The following NRG3 variants were observed in gnomAD, a reference collection of about 807,000 sequenced individuals.
NRG3 encodes the protein neuregulin 3, also known as pro-neuregulin-3, membrane-bound isoform.
In NRG3, 31 loss-of-function variants were observed where a neutral mutation model predicts 66.9. That is an observed-to-expected ratio of 0.46 (90% CI 0.35 to 0.63). NRG3 has a LOEUF of 0.63. Among genes scored for constraint, NRG3 ranks in the 20% least tolerant of loss-of-function variants. NRG3 has a pLI of 0.00. For missense variants in NRG3, 910 were observed against 878.9 expected, an observed-to-expected ratio of 1.04 and a Z score of -0.45; for synonymous variants, 393 against 359.4, an observed-to-expected ratio of 1.09 and a Z score of -1.06.
intron 2 of NRG3, among the ~76,000 whole-genome samples, chr10:82,451,111 C>T (rs2091000378): frequency 6.6e-6 from 1 of 152,126 alleles, no homozygotes; most frequent in Admixed American, 6.5e-5. Flanking sequence ...AGATGGTGGT[C>T]TAGGTGCTGT....
At chr10:82,277,396 A>G (rs1820506652) in intron 1 of NRG3, among the ~76,000 whole-genome samples, 1 of 152,136 alleles carries the variant, frequency 6.6e-6, no homozygotes, top group South Asian at 2.1e-4. Flanking sequence ...AATAAAGACT[A>G]TAAGGTTGTT....
intron 1 of NRG3, among the ~76,000 whole-genome samples, chr10:82,186,914 A>C (rs982084912): frequency 6.6e-6 from 1 of 152,118 alleles, no homozygotes; most frequent in African/African-American, 2.4e-5. Context: ...ACTTAGGAGC[A>C]TATGCAGGGA....
At chr10:82,460,291 G>T (rs758326213) in intron 2 of NRG3, among the ~76,000 whole-genome samples, 1 of 152,106 alleles carries the variant, frequency 6.6e-6, no homozygotes, top group African/African-American at 2.4e-5. Context: ...TCCTGGCTTC[G>T]TTATTTGCTT....
chr10:82,335,097 T>C (rs2082322255), intron 1 of NRG3, among the ~76,000 whole-genome samples: 1 of 152,230 alleles, frequency 6.6e-6, no homozygotes, highest in Non-Finnish European at 1.5e-5. Context: ...CACATGGCCG[T>C]GCATTTGCTT....
At chr10:82,196,848 A>C (rs1280059619) in intron 1 of NRG3, among the ~76,000 whole-genome samples, 1 of 152,126 alleles carries the variant, frequency 6.6e-6, no homozygotes, top group Non-Finnish European at 1.5e-5. Flanking sequence ...CTCAGATCTT[A>C]AGACAATCCC....
intron 2 of NRG3, among the ~76,000 whole-genome samples, chr10:82,403,147 C>T (rs1010133371): frequency 6.6e-6 from 1 of 152,090 alleles, no homozygotes; most frequent in Admixed American, 6.6e-5. Flanking sequence ...GTAATTATTT[C>T]CAGAGGAGCT....
chr10:82,965,644 G>A (rs1217927555), intron 6 of NRG3, among the ~76,000 whole-genome samples: 1 of 152,106 alleles, frequency 6.6e-6, no homozygotes, highest in Non-Finnish European at 1.5e-5. Context: ...GCTGACACAT[G>A]AGAATTGCTT....
At chr10:82,924,217 A>C (rs953452903) in intron 4 of NRG3, among the ~76,000 whole-genome samples, 1 of 152,066 alleles carries the variant, frequency 6.6e-6, no homozygotes, top group Non-Finnish European at 1.5e-5. Context: ...GGTTTCCAGA[A>C]CCCAAAAGGA....
intron 1 of NRG3, among the ~76,000 whole-genome samples, chr10:81,911,903 A>C (rs1845206308): frequency 6.6e-6 from 1 of 152,102 alleles, no homozygotes; most frequent in Admixed American, 6.6e-5. Context: ...TCTTACAAAA[A>C]ATATTGTTAT....
chr10:82,488,200 T>A (rs1842837661), intron 2 of NRG3, among the ~76,000 whole-genome samples: 1 of 152,338 alleles, frequency 6.6e-6, no homozygotes, highest in African/African-American at 2.4e-5. Flanking sequence ...CAAGTCATCC[T>A]TGGAAAGAAC....
At chr10:82,289,684 A>G (rs2079613371) in intron 1 of NRG3, among the ~76,000 whole-genome samples, 1 of 152,096 alleles carries the variant, frequency 6.6e-6, no homozygotes, top group African/African-American at 2.4e-5. Flanking sequence ...TTATAGACAT[A>G]TTTTCATCTT....
chr10:82,271,873 A>G (rs762676120), intron 1 of NRG3, among the ~76,000 whole-genome samples: 5 of 152,124 alleles, frequency 3.3e-5, no homozygotes, highest in Admixed American at 6.6e-5. Flanking sequence ...GTTATTAAAT[A>G]CCTTGAAACA....
At chr10:82,454,135 G>T (rs369752101) in intron 2 of NRG3, among the ~76,000 whole-genome samples, 1 of 152,018 alleles carries the variant, frequency 6.6e-6, no homozygotes, top group African/African-American at 2.4e-5. Flanking sequence ...GATGGAAGTG[G>T]GTATTTTGTT....
chr10:82,154,992 G>A (rs993920820), intron 1 of NRG3, among the ~76,000 whole-genome samples: 5 of 151,654 alleles, frequency 3.3e-5, no homozygotes, highest in African/African-American at 4.8e-5. Flanking sequence ...ATCAGCAAAC[G>A]GAGACAATTT....
chr10:82,016,278 G>C (rs1174358950), intron 1 of NRG3, among the ~76,000 whole-genome samples: 1 of 152,048 alleles, frequency 6.6e-6, no homozygotes, highest in South Asian at 2.1e-4. Flanking sequence ...TAGCTGAGTG[G>C]TTAGCCGATT....
intron 1 of NRG3, among the ~76,000 whole-genome samples, chr10:82,194,442 G>C (rs1427634894): frequency 6.6e-6 from 1 of 152,130 alleles, no homozygotes; most frequent in Non-Finnish European, 1.5e-5. Flanking sequence ...ATGAGAAGTG[G>C]AATCCAGAGT....
At chr10:82,210,700 C>T (rs2075353470) in intron 1 of NRG3, among the ~76,000 whole-genome samples, 1 of 152,112 alleles carries the variant, frequency 6.6e-6, no homozygotes, top group African/African-American at 2.4e-5. Flanking sequence ...CACCCTAAAT[C>T]AACACCATAT....
At chr10:82,779,009 G>C (rs1306215792) in intron 3 of NRG3, among the ~76,000 whole-genome samples, 1 of 152,124 alleles carries the variant, frequency 6.6e-6, no homozygotes, top group African/African-American at 2.4e-5. Context: ...TGTAATGGTA[G>C]TAGAGTCTCA....
At chr10:82,554,388 C>T (rs894282987) in intron 2 of NRG3, among the ~76,000 whole-genome samples, 1 of 151,960 alleles carries the variant, frequency 6.6e-6, no homozygotes, top group Non-Finnish European at 1.5e-5. Context: ...CACACTGTAC[C>T]CCGTGAATAC....
Sources: allele counts gnomAD v4.1 joint callset (sites outside exome capture counted in the v4.1 genomes callset), GRCh38; gene constraint gnomAD v4.1.1; transcripts MANE v1.5; gene names NCBI Gene and HGNC (gene_info 2026-07-23, HGNC 2026-07-21).